The following EIF4B variants were observed in gnomAD, a reference collection of about 807,000 sequenced individuals.
EIF4B encodes the protein eukaryotic translation initiation factor 4B.
EIF4B carries 8 observed loss-of-function variants against 79.3 expected under a neutral mutation model. That is an observed-to-expected ratio of 0.10 (90% CI 0.06 to 0.18). The LOEUF is 0.18. EIF4B is among the 10% of genes least tolerant of loss of function. EIF4B has a pLI of 1.00. For missense variants in EIF4B, 515 were observed against 792.4 expected (o/e 0.65, Z 4.20); for synonymous variants, 238 against 274.7 (o/e 0.87, Z 1.32).
chr12:53,040,475 G>GC lies in EIF4B; in HGVS notation c.*253dup. ...AGCTTTTTAGAGGAAAAGTTGTGGT[G>GC]CGTTATGTCACCATGCAGTTGCCAG... On this transcript the variant is annotated 3_prime_UTR_variant, in exon 15 of 15. Coordinates refer to ENST00000262056, the MANE Select transcript of EIF4B (RefSeq NM_001417.7). 1 of 392,824 alleles carries GC rather than the reference G, an allele frequency of 2.5e-6. No homozygotes were observed. Among genetic ancestry groups the GC allele is most frequent in the Non-Finnish European group, 4.7e-6 (1 of 212,658 alleles). 24.3% of individuals were successfully genotyped at this position (392,824 alleles called of 1,614,324 possible).
At chr12:53,019,399 C>T (rs1456123343) in intron 3 of EIF4B, among the ~76,000 whole-genome samples, 2 of 122,702 alleles carry the variant, frequency 1.6e-5, no homozygotes, top group Non-Finnish European at 3.4e-5. Context: ...AACACCATCT[C>T]AAAGAAAAAA....
chr12:53,015,250 A>G (rs965846815), intron 1 of EIF4B, among the ~76,000 whole-genome samples: 2 of 152,214 alleles, frequency 1.3e-5, no homozygotes, highest in African/African-American at 4.8e-5. Flanking sequence ...ATACCTTGGT[A>G]TATAGAAAGA....
Position 53,040,833 on chromosome 12 carries a change from A to G in EIF4B, c.*610A>G, listed in dbSNP as rs1450103472. On this transcript the variant is annotated 3_prime_UTR_variant, in exon 15 of 15. Coordinates refer to ENST00000262056, the MANE Select transcript of EIF4B (RefSeq NM_001417.7). Reference sequence around the variant, plus strand: ...CAGGGGGGTAGTTGGGAGTGAGACTATAGGCCATAAAGAATGGGACTGCAT... The same window carrying G: ...CAGGGGGGTAGTTGGGAGTGAGACTGTAGGCCATAAAGAATGGGACTGCAT... 6.6e-6 allele frequency: 1 copy of G among 151,156 alleles called. No individual in the cohort carries two copies. The highest frequency in any genetic ancestry group is 2.4e-5 in the African/African-American group (1 of 41,130). The allele number at this position is 151,156 out of a possible 1,614,324, so 9.4% of individuals were successfully genotyped here.
intron 8 of EIF4B, among the ~76,000 whole-genome samples, chr12:53,033,588 G>A (rs926141849): frequency 5.9e-5 from 9 of 151,926 alleles, no homozygotes; most frequent in Non-Finnish European, 8.8e-5. Flanking sequence ...TGATCCACCC[G>A]CCTCGGCCTC....
intron 1 of EIF4B, among the ~76,000 whole-genome samples, chr12:53,012,429 C>T (rs1014777839): frequency 7.9e-5 from 12 of 151,330 alleles, no homozygotes; most frequent in East Asian, 5.9e-4. Flanking sequence ...TGGTGCATGC[C>T]GGTAATCCTC....
chr12:53,019,849 C>G (rs1943219845), intron 3 of EIF4B, 61 bp from the exon 4 acceptor site: 1 of 1,540,202 alleles, frequency 6.5e-7, no homozygotes, highest in Non-Finnish European at 8.9e-7. Flanking sequence ...GTAGTCCTCT[C>G]AAAAAATGAC....
chr12:53,040,110 C>T (rs1242035244), intron 14 of EIF4B, 33 bp from the exon 15 acceptor site: 16 of 1,612,920 alleles, frequency 9.9e-6, no homozygotes, highest in Non-Finnish European at 1.4e-5. Context: ...AATTCAGGGC[C>T]TTCATTATCC....
At chr12:53,031,968 A>T (rs1233942250) in intron 8 of EIF4B, among the ~76,000 whole-genome samples, 1 of 152,218 alleles carries the variant, frequency 6.6e-6, no homozygotes, top group Non-Finnish European at 1.5e-5. Flanking sequence ...AGGACAAACA[A>T]TCATTTTTAG....
chr12:53,030,413 C>CTTTTTTTGTTTTTTTTTT (rs1943415830), intron 8 of EIF4B, among the ~76,000 whole-genome samples: 1 of 43,066 alleles, frequency 2.3e-5, no homozygotes, highest in African/African-American at 5.2e-5. Flanking sequence ...AAATTATATT[C>CTTTTTTTGTTTTTTTTTT]TTTTTTTTTT....
chr12:53,020,237 A>G (rs1338807546), intron 4 of EIF4B, among the ~76,000 whole-genome samples: 2 of 152,230 alleles, frequency 1.3e-5, no homozygotes, highest in Non-Finnish European at 1.5e-5. Context: ...TAATTTAGAT[A>G]GGTACTTAGG....
intron 14 of EIF4B, 50 bp downstream of exon 14, chr12:53,039,752 G>GAATTCTAAGTATTCTTACTAAGAATTAAA: frequency 1.3e-6 from 2 of 1,567,496 alleles, no homozygotes; most frequent in South Asian, 2.3e-5. Context: ...AAAATTCTTA[G>GAATTCTAAGTATTCTTACTAAGAATTAAA]AATTCTAAGT....
intron 2 of EIF4B, among the ~76,000 whole-genome samples, chr12:53,017,478 C>G (rs1943167457): frequency 6.6e-6 from 1 of 152,110 alleles, no homozygotes; most frequent in South Asian, 2.1e-4. Flanking sequence ...TAATAAGGAG[C>G]TATGTTTTAT....
chr12:53,030,410 A>ATTTTTTT (rs1555153412), intron 8 of EIF4B, among the ~76,000 whole-genome samples: 7 of 34,190 alleles, frequency 2.0e-4, no homozygotes, highest in East Asian at 8.4e-4. Flanking sequence ...AAAAAATTAT[A>ATTTTTTT]TTCTTTTTTT....
chr12:53,019,419 A>G lies in EIF4B; in HGVS notation c.360+413A>G, dbSNP rs1266834822. 7.3e-5 allele frequency among the ~76,000 whole-genome samples: 10 copies of G among 137,394 alleles called. 1 individual carries two copies. The highest frequency in any genetic ancestry group is 2.3e-4 in the Admixed American group (3 of 12,772). The allele number at this position is 137,394 out of a possible 152,430, so 90.1% of individuals were successfully genotyped here. On this transcript the variant is annotated intron_variant, in intron 3 of 14. Coordinates refer to ENST00000262056, the MANE Select transcript of EIF4B (RefSeq NM_001417.7). ...CATCTCAAAGAAAAAAAATAAAATC[A>G]AAATTATATATATATATATTTTTTT...
intron 6 of EIF4B, among the ~76,000 whole-genome samples, chr12:53,025,843 C>G (rs1592221666): frequency 6.6e-6 from 1 of 152,108 alleles, no homozygotes; most frequent in African/African-American, 2.4e-5. Flanking sequence ...CATGGTGGCT[C>G]ACGCCTGTAA....
In EIF4B at chr12:53,018,960, A is replaced by G; in HGVS notation, c.314A>G (p.Tyr105Cys). ...ACTGCTTTTCTAGGAAACCTACCCTATGATGTTACAGAAGAGTCAATTAAG... is the reference window on the plus strand; with the variant it reads ...ACTGCTTTTCTAGGAAACCTACCCTGTGATGTTACAGAAGAGTCAATTAAG... ...PYTAFLGNLP[Y>C]DVTEESIKEF... is the part of the protein sequence containing the mutation. The change falls in exon 3 of 15, where the codon TAT becomes TGT. Residue 105 changes from tyrosine (Y) to cysteine (C), a missense_variant. Physicochemically the swap from Tyr to Cys is radical, Grantham distance 194. Coordinates refer to ENST00000262056, the MANE Select transcript of EIF4B (RefSeq NM_001417.7). The G allele has an allele frequency of 6.2e-7, 1 of 1,613,956 alleles. No homozygotes were observed. Among genetic ancestry groups the G allele is most frequent in the Non-Finnish European group, 8.5e-7 (1 of 1,179,936 alleles).
chr12:53,006,492 C>T lies in EIF4B; in HGVS notation c.9C>T (p.Ala3=), dbSNP rs1426349044. 1.9e-6 allele frequency: 3 copies of T among 1,613,532 alleles called. No homozygotes were observed. Among genetic ancestry groups the T allele is most frequent in the Non-Finnish European group, 2.5e-6 (3 of 1,180,044 alleles). The change falls in exon 1 of 15, where the codon GCC becomes GCT. Residue 3 remains alanine, a synonymous_variant. Coordinates refer to ENST00000262056, the MANE Select transcript of EIF4B (RefSeq NM_001417.7). ...TCTTTCCCTCTCCCAACATGGCGGC[C>T]TCAGGTGAGCGAGCAGCCGAGCGCG... MA[A]SAKKKNKKGK... is the part of the protein sequence containing the mutation.
In EIF4B at chr12:53,028,098, C is replaced by T. The variant is rs370294769; in HGVS notation, c.889C>T (p.Arg297Cys). Residue 297 changes from arginine (R) to cysteine (C), a missense_variant, in exon 8 of 15, where the codon CGC becomes TGC. Arg to Cys is a radical substitution (Grantham distance 180). Transcript: ENST00000262056. ...TGATGACTACAGAGGAGGCGGGGAC[C>T]GCTATGAAGACCGATATGACAGACG... ...RDDDYRGGGD[R>C]YEDRYDRRDD... The T allele has an allele frequency of 5.0e-6, 8 of 1,613,854 alleles. No individual in the cohort carries two copies. The highest frequency in any genetic ancestry group is 4.0e-5 in the African/African-American group (3 of 74,892).
intron 10 of EIF4B, among the ~76,000 whole-genome samples, chr12:53,034,956 CTTTTTTTTTT>C (rs72498436): frequency 4.4e-5 from 4 of 90,152 alleles, no homozygotes; most frequent in South Asian, 4.1e-4. Context: ...TTGTCTCTCT[CTTTTTTTTTT>C]TTTTTTTTTT....
Sources: gnomAD v4.1 joint callset for allele counts (sites outside exome capture counted in the v4.1 genomes callset) on GRCh38, gnomAD v4.1.1 for gene constraint, MANE v1.5 for transcripts, NCBI Gene and HGNC (gene_info 2026-07-23, HGNC 2026-07-21) for gene names.